The following MAF variants were observed in gnomAD, a reference collection of about 807,000 sequenced individuals.
MAF encodes the protein transcription factor Maf.
Under a neutral mutation model 22.0 loss-of-function variants are expected in MAF, and 10 were observed. The ratio of observed to expected loss-of-function variants is 0.45; its 90% confidence interval spans 0.28 to 0.77. The LOEUF is 0.77. MAF is among the 30% of genes least tolerant of loss of function. MAF has a pLI of 0.12. For missense variants in MAF, 544 were observed against 548.4 expected (o/e 0.99, Z 0.08); for synonymous variants, 337 against 255.8 (o/e 1.32, Z -3.03).
At chr16:79,226,175 T>C in the MAF span, among the ~76,000 whole-genome samples, 4 of 152,126 alleles carry the variant, frequency 2.6e-5, no homozygotes, top group Admixed American at 6.5e-5. Flanking sequence ...GTGGCACATA[T>C]ATACCATGGA....
At chr16:79,373,549 A>C in the MAF span, among the ~76,000 whole-genome samples, 1 of 151,672 alleles carries the variant, frequency 6.6e-6, no homozygotes, top group South Asian at 2.1e-4. Context: ...CACCTGGGTA[A>C]CTTTTGTATT....
chr16:79,565,506 T>TTGG, the MAF span, among the ~76,000 whole-genome samples: 560 of 149,136 alleles, frequency 3.8e-3, 2 homozygotes, highest in Non-Finnish European at 6.5e-3. Flanking sequence ...TCACGTGTTG[T>TTGG]GGGGGGGGGG....
the MAF span, among the ~76,000 whole-genome samples, chr16:79,314,746 G>A: frequency 6.6e-6 from 1 of 152,146 alleles, no homozygotes; most frequent in Non-Finnish European, 1.5e-5. Flanking sequence ...AGAAATGAGA[G>A]GAGGCTCGGA....
chr16:79,555,079 C>A, the MAF span, among the ~76,000 whole-genome samples: 1 of 152,162 alleles, frequency 6.6e-6, no homozygotes, highest in East Asian at 1.9e-4. Context: ...CCCTGCTCCT[C>A]CCTCTGGCAG....
chr16:79,296,259 G>A, the MAF span, among the ~76,000 whole-genome samples: 1 of 152,172 alleles, frequency 6.6e-6, no homozygotes, highest in Admixed American at 6.5e-5. Context: ...CATAGTGAAA[G>A]CTTAAAAGAC....
At chr16:79,473,158 T>C in the MAF span, among the ~76,000 whole-genome samples, 1 of 152,092 alleles carries the variant, frequency 6.6e-6, no homozygotes, top group African/African-American at 2.4e-5. Context: ...AGCGTAGGGA[T>C]AGTCCAGACA....
chr16:79,462,536 GGTGTTCACACACATATA>G, the MAF span, among the ~76,000 whole-genome samples: 2 of 151,966 alleles, frequency 1.3e-5, no homozygotes, highest in Non-Finnish European at 2.9e-5. Flanking sequence ...TCTTGCCAAG[GGTGTTCACACACATATA>G]TGCACATATA....
At chr16:79,399,638 G>A in the MAF span, among the ~76,000 whole-genome samples, 1 of 152,160 alleles carries the variant, frequency 6.6e-6, no homozygotes, top group African/African-American at 2.4e-5. Context: ...AGGGATAGAA[G>A]AGGGTAGAAA....
the MAF span, among the ~76,000 whole-genome samples, chr16:79,365,559 T>C: frequency 4.8e-5 from 7 of 144,742 alleles, no homozygotes; most frequent in African/African-American, 8.0e-5. Flanking sequence ...GGAAATGCTA[T>C]TGGCCTTGCA....
chr16:79,386,631 T>C, the MAF span, among the ~76,000 whole-genome samples: 1 of 152,042 alleles, frequency 6.6e-6, no homozygotes, highest in Non-Finnish European at 1.5e-5. Context: ...TACACATATA[T>C]CATTTATAAT....
chr16:79,375,903 G>A, the MAF span, among the ~76,000 whole-genome samples: 1 of 152,126 alleles, frequency 6.6e-6, no homozygotes, highest in African/African-American at 2.4e-5. Flanking sequence ...ACATAAACAT[G>A]GATAGAATCA....
chr16:79,373,359 C>CTTTTTTTTTTTTTT, the MAF span, among the ~76,000 whole-genome samples: 11 of 33,326 alleles, frequency 3.3e-4, 4 homozygotes, highest in Admixed American at 1.0e-3. Flanking sequence ...GGACTGGTAG[C>CTTTTTTTTTTTTTT]TTTTTTTTTT....
the MAF span, among the ~76,000 whole-genome samples, chr16:79,429,318 T>A: frequency 2.6e-5 from 4 of 152,156 alleles, no homozygotes; most frequent in African/African-American, 9.7e-5. Context: ...ATTAACAGGC[T>A]GGGGCTGCAG....
chr16:79,574,238 T>G, the MAF span, among the ~76,000 whole-genome samples: 3 of 152,226 alleles, frequency 2.0e-5, no homozygotes, highest in African/African-American at 7.2e-5. Flanking sequence ...CAGTGTGCGA[T>G]CAAGTATCTT....
the MAF span, among the ~76,000 whole-genome samples, chr16:79,392,247 A>G: frequency 1.4e-5 from 2 of 145,468 alleles, no homozygotes; most frequent in Non-Finnish European, 3.0e-5. Flanking sequence ...GGAGAGGAGA[A>G]AGAGAGAAAA....
the MAF span, among the ~76,000 whole-genome samples, chr16:79,468,696 C>T: frequency 6.6e-6 from 1 of 152,046 alleles, no homozygotes; most frequent in Non-Finnish European, 1.5e-5. Flanking sequence ...GTAACGTGGC[C>T]CCCATGCCTG....
At chr16:79,339,462 C>A in the MAF span, among the ~76,000 whole-genome samples, 13 of 152,178 alleles carry the variant, frequency 8.5e-5, no homozygotes, top group South Asian at 2.5e-3. Flanking sequence ...CAGACCCACA[C>A]ATGAAAGAAG....
chr16:79,212,308 G>A, the MAF span: 1 of 910,798 alleles, frequency 1.1e-6, no homozygotes, highest in Non-Finnish European at 1.6e-6. Context: ...CTGCTGGGGA[G>A]ACAAATCTCA....
the MAF span, among the ~76,000 whole-genome samples, chr16:79,465,545 T>C: frequency 1.3e-5 from 2 of 152,092 alleles, no homozygotes; most frequent in South Asian, 2.1e-4. Flanking sequence ...TGAGCCGTGA[T>C]CCCGTGATCG....
Sources: allele counts gnomAD v4.1 joint callset (sites outside exome capture counted in the v4.1 genomes callset), GRCh38; gene constraint gnomAD v4.1.1; transcripts MANE v1.5; gene names NCBI Gene and HGNC (gene_info 2026-07-23, HGNC 2026-07-21).